The following TMEM178B variants were observed in gnomAD, a reference collection of about 807,000 sequenced individuals.
TMEM178B encodes transmembrane protein 178B.
Under a neutral mutation model 31.0 loss-of-function variants are expected in TMEM178B, and 5 were observed. That is an observed-to-expected ratio of 0.16 (90% CI 0.08 to 0.34). The LOEUF is 0.34. TMEM178B is among the 10% of genes least tolerant of loss of function. The pLI is 1.00. For missense variants in TMEM178B, 275 were observed against 400.3 expected, an observed-to-expected ratio of 0.69 and a Z score of 2.67; for synonymous variants, 164 against 164.0, an observed-to-expected ratio of 1.00 and a Z score of 0.00.
intron 2 of TMEM178B, among the ~76,000 whole-genome samples, chr7:141,424,385 G>A (rs552725787): frequency 8.5e-5 from 13 of 152,262 alleles, no homozygotes; most frequent in African/African-American, 2.4e-4. Context: ...CAGTACATGC[G>A]CACTGTTGGC....
intron 1 of TMEM178B, among the ~76,000 whole-genome samples, chr7:141,194,725 A>G (rs1163808911): frequency 2.0e-5 from 3 of 152,168 alleles, no homozygotes. Context: ...GAGACTCTGT[A>G]TGGGGTCTCT....
chr7:141,148,514 A>G (rs1353254250), intron 1 of TMEM178B, among the ~76,000 whole-genome samples: 3 of 152,184 alleles, frequency 2.0e-5, no homozygotes, highest in Non-Finnish European at 1.5e-5. Context: ...TTGGTCAGGG[A>G]TGGGAGGAGA....
chr7:141,147,128 T>G (rs1795865602), intron 1 of TMEM178B, among the ~76,000 whole-genome samples: 1 of 152,190 alleles, frequency 6.6e-6, no homozygotes, highest in African/African-American at 2.4e-5. Flanking sequence ...TGGAAATTAG[T>G]CAAATGAGGG....
chr7:141,192,495 T>C (rs1382398186), intron 1 of TMEM178B, among the ~76,000 whole-genome samples: 1 of 151,278 alleles, frequency 6.6e-6, no homozygotes, highest in Non-Finnish European at 1.5e-5. Flanking sequence ...GCGGTCTTTT[T>C]TTTTTTTTTT....
At chr7:141,083,111 C>G (rs1794713559) in intron 1 of TMEM178B, among the ~76,000 whole-genome samples, 1 of 152,016 alleles carries the variant, frequency 6.6e-6, no homozygotes, top group East Asian at 1.9e-4. Flanking sequence ...CACCTCCCCC[C>G]ACACACATCT....
At chr7:141,452,021 CT>C (rs1391874081) in intron 3 of TMEM178B, among the ~76,000 whole-genome samples, 2 of 152,208 alleles carry the variant, frequency 1.3e-5, no homozygotes, top group Non-Finnish European at 2.9e-5. Context: ...TAACAATACC[CT>C]TTTGATTGTT....
At chr7:141,142,481 C>T (rs992421793) in intron 1 of TMEM178B, among the ~76,000 whole-genome samples, 18 of 150,660 alleles carry the variant, frequency 1.2e-4, no homozygotes, top group Non-Finnish European at 2.1e-4. Flanking sequence ...ATTCTCTGCT[C>T]GCTGCAAGCT....
At chr7:141,449,131 C>G (rs1485514303) in intron 3 of TMEM178B, among the ~76,000 whole-genome samples, 1 of 152,180 alleles carries the variant, frequency 6.6e-6, no homozygotes, top group African/African-American at 2.4e-5. Context: ...CTCCGTGGCT[C>G]TTCTGGGATG....
In TMEM178B at chr7:141,079,863, G is replaced by A. The variant is rs947183075; in HGVS notation, c.382+5171G>A. Among the ~76,000 whole-genome samples the A allele has an allele frequency of 1.1e-4, 17 of 152,144 alleles. 1 individual carries two copies. The highest frequency in any genetic ancestry group is 4.1e-4 in the African/African-American group (17 of 41,434). On this transcript the variant is annotated intron_variant, in intron 1 of 3. Coordinates refer to ENST00000565468, the MANE Select transcript of TMEM178B (RefSeq NM_001195278.2). ...TCATCCTAAATTTGAGGGAACTGAG[G>A]CACAGAAAGGTCAGATAACTTGTGA... is the stretch of plus-strand genomic sequence containing the variant.
At position 141,074,360 on chromosome 7, in the gene TMEM178B, G is replaced by T. The variant is rs1794560378; in HGVS notation, c.50G>T (p.Cys17Phe). 6.5e-7 allele frequency: 1 copy of T among 1,535,992 alleles called. No individual in the cohort carries two copies. Among genetic ancestry groups the T allele is most frequent in the Admixed American group, 2.0e-5 (1 of 50,986 alleles). ...TACACTGGCCTCTCGCTAGCGCTCT[G>T]CGCCCTCGGCATGCTGGCCGTGGCC... ...LLYTGLSLAL[C>F]ALGMLAVAIC... The change falls in exon 1 of 4, where the codon TGC (cysteine) becomes TTC (phenylalanine). Residue 17 changes from cysteine (C) to phenylalanine (F), a missense_variant. Transcript: ENST00000565468. This position sits in a 1 kb window ranked among gnomAD's most constrained non-coding sequence, Gnocchi z 5.1.
chr7:141,217,854 C>T (rs552648701), intron 2 of TMEM178B, among the ~76,000 whole-genome samples: 18 of 152,098 alleles, frequency 1.2e-4, no homozygotes, highest in Middle Eastern at 6.8e-3. Context: ...CCCCTGGCAG[C>T]GAGAATCAGG....
At chr7:141,278,857 A>C (rs1191208220) in intron 2 of TMEM178B, among the ~76,000 whole-genome samples, 1 of 152,194 alleles carries the variant, frequency 6.6e-6, no homozygotes, top group Non-Finnish European at 1.5e-5. Context: ...AAAAGTTCCA[A>C]CGGGCAAAAT....
At chr7:141,342,396 T>A (rs1297836628) in intron 2 of TMEM178B, among the ~76,000 whole-genome samples, 1 of 152,254 alleles carries the variant, frequency 6.6e-6, no homozygotes, top group African/African-American at 2.4e-5. Context: ...TGGAATCCTT[T>A]GTTAAAAATG....
chr7:141,108,062 A>G (rs1033676532), intron 1 of TMEM178B, among the ~76,000 whole-genome samples: 1 of 152,174 alleles, frequency 6.6e-6, no homozygotes, highest in Non-Finnish European at 1.5e-5. Flanking sequence ...GCATTTGGCA[A>G]TTTAGAGGTT....
chr7:141,468,623 T>TTA (rs1802186314), intron 3 of TMEM178B, among the ~76,000 whole-genome samples: 1 of 152,212 alleles, frequency 6.6e-6, no homozygotes, highest in Non-Finnish European at 1.5e-5. Context: ...AATTAAGGTT[T>TTA]TAGTACATGC....
intron 1 of TMEM178B, among the ~76,000 whole-genome samples, chr7:141,151,682 A>T (rs1795975526): frequency 6.6e-6 from 1 of 152,176 alleles, no homozygotes; most frequent in East Asian, 1.9e-4. Context: ...GGGGAAGGCC[A>T]TGTGAACCCA....
chr7:141,289,257 G>A (rs1163814372), intron 2 of TMEM178B, among the ~76,000 whole-genome samples: 1 of 152,166 alleles, frequency 6.6e-6, no homozygotes, highest in Non-Finnish European at 1.5e-5. Flanking sequence ...TGGCTCTGCT[G>A]TCATCCTAGA....
chr7:141,360,023 C>G, intron 2 of TMEM178B, among the ~76,000 whole-genome samples: 1 of 152,294 alleles, frequency 6.6e-6, no homozygotes. Flanking sequence ...AATTATCTCC[C>G]ACCGGGTTCC....
At chr7:141,211,546 C>T (rs1199557502) in intron 1 of TMEM178B, among the ~76,000 whole-genome samples, 1 of 152,060 alleles carries the variant, frequency 6.6e-6, no homozygotes, top group East Asian at 1.9e-4. Flanking sequence ...ATTTAAAACC[C>T]CCTAACCTTT....
Sources: allele counts gnomAD v4.1 joint callset (sites outside exome capture counted in the v4.1 genomes callset), GRCh38; gene constraint gnomAD v4.1.1; non-coding constraint Gnocchi (gnomAD v3.1); transcripts MANE v1.5; gene names NCBI Gene and HGNC (gene_info 2026-07-23, HGNC 2026-07-21).